The following FAM184A variants were observed in gnomAD, a reference collection of about 807,000 sequenced individuals.
FAM184A encodes the protein family with sequence similarity 184 member A, also known as protein FAM184A.
A neutral mutation model predicts 143.8 loss-of-function variants in FAM184A; 99 were observed. That is an observed-to-expected ratio of 0.69 (90% confidence interval 0.58 to 0.81). FAM184A has a LOEUF of 0.81. FAM184A is among the 40% of genes least tolerant of loss of function. The pLI is 0.00. For missense variants in FAM184A, 1,217 were observed against 1,310.5 expected (o/e 0.93, Z 1.10); for synonymous variants, 427 against 446.4 (o/e 0.96, Z 0.55).
intron 1 of FAM184A, among the ~76,000 whole-genome samples, chr6:119,092,002 G>T (rs989720076): frequency 6.6e-6 from 1 of 152,130 alleles, no homozygotes; most frequent in African/African-American, 2.4e-5. Context: ...CTACCCAAGG[G>T]GTAGCCTCTT....
chr6:119,129,850 G>GC (rs1789487217), intron 1 of FAM184A, among the ~76,000 whole-genome samples: 1 of 152,096 alleles, frequency 6.6e-6, no homozygotes, highest in Non-Finnish European at 1.5e-5. Context: ...TCCAGCCCTT[G>GC]CCCCCAATCC....
chr6:119,049,427 G>A (rs538198282), intron 1 of FAM184A, among the ~76,000 whole-genome samples: 2 of 152,258 alleles, frequency 1.3e-5, no homozygotes, highest in South Asian at 2.1e-4. Flanking sequence ...CAGCCTGGGG[G>A]ATAAGAGCGA....
intron 1 of FAM184A, among the ~76,000 whole-genome samples, chr6:119,136,271 C>A (rs1249161561): frequency 1.0e-3 from 118 of 112,582 alleles, no homozygotes; most frequent in African/African-American, 4.1e-3. Flanking sequence ...GGCGACAGAG[C>A]GAGACTCCGT....
At chr6:119,110,051 G>T (rs1010034486) in intron 1 of FAM184A, among the ~76,000 whole-genome samples, 1 of 152,112 alleles carries the variant, frequency 6.6e-6, no homozygotes, top group Non-Finnish European at 1.5e-5. Context: ...CCTAACATAA[G>T]TCTAAGTATC....
At chr6:119,128,842 G>A (rs1789447837) in intron 1 of FAM184A, among the ~76,000 whole-genome samples, 1 of 151,934 alleles carries the variant, frequency 6.6e-6, no homozygotes. Flanking sequence ...GATGGGGGAG[G>A]GGCCCTGGAA....
rs1785276645 is a variant in FAM184A, at chr6:119,016,928, T to C, written c.1349A>G (p.Lys450Arg). 2 of 1,605,434 alleles carry C rather than the reference T, an allele frequency of 1.2e-6. No homozygotes were observed. The highest frequency in any genetic ancestry group is 4.5e-5 in the East Asian group (2 of 44,852). ...LELEKKVNEA[K>R]RTQQEYYERE... Reference sequence around the variant, plus strand: ...TTCATAATATTCTTGCTGAGTTCTCTTTGCTTCATTTACTTTCTAAAATTA... The same window carrying C: ...TTCATAATATTCTTGCTGAGTTCTCCTTGCTTCATTTACTTTCTAAAATTA... Residue 450 changes from lysine (K) to arginine (R), a missense_variant, in exon 5 of 18, where the codon AAG (lysine) becomes AGG (arginine). Physicochemically the swap from Lys to Arg is conservative, Grantham distance 26 (BLOSUM62 2). Transcript: ENST00000338891.
chr6:118,970,005 TATA>T (rs1471299816), intron 14 of FAM184A, among the ~76,000 whole-genome samples: 3 of 35,536 alleles, frequency 8.4e-5, no homozygotes, highest in Non-Finnish European at 1.1e-4. Flanking sequence ...TATATATATA[TATA>T]TTTTTTTTTT....
At chr6:119,146,359 A>G (rs1476053483) in intron 1 of FAM184A, among the ~76,000 whole-genome samples, 1 of 151,644 alleles carries the variant, frequency 6.6e-6, no homozygotes, top group Admixed American at 6.6e-5. Flanking sequence ...GAAAAATTAT[A>G]TACCATCTGC....
At chr6:119,098,018 T>G (rs1278453722) in intron 1 of FAM184A, among the ~76,000 whole-genome samples, 1 of 152,094 alleles carries the variant, frequency 6.6e-6, no homozygotes, top group Non-Finnish European at 1.5e-5. Context: ...GAGGGTGATA[T>G]GGTTTGGCTG....
At chr6:119,118,920 A>G (rs936523774) in intron 1 of FAM184A, among the ~76,000 whole-genome samples, 7 of 152,204 alleles carry the variant, frequency 4.6e-5, no homozygotes, top group African/African-American at 7.2e-5. Flanking sequence ...TTTCAAAAGC[A>G]AATGGGAGAA....
rs773408193 is a variant in FAM184A at position 119,023,046 on chromosome 6, C to T, written c.1049G>A (p.Gly350Glu). The T allele has an allele frequency of 6.8e-6, 11 of 1,613,956 alleles. No individual in the cohort carries two copies. The highest frequency in any genetic ancestry group is 9.3e-6 in the Non-Finnish European group (11 of 1,180,004). Reference sequence around the variant, plus strand: ...GTGCTTGCTTAATAGGGCCATTTCTCCCTCCTTGGCATCATCAAGCTGTTT... The same window carrying T: ...GTGCTTGCTTAATAGGGCCATTTCTTCCTCCTTGGCATCATCAAGCTGTTT... Reference protein sequence around the residue: ...LQKQLDDAKEGEMALLSKHKE... With the variant: ...LQKQLDDAKEEEMALLSKHKE... The change falls in exon 3 of 18, where the codon GGA (glycine) becomes GAA (glutamate). Residue 350 changes from glycine (G) to glutamate (E), a missense_variant. Physicochemically the swap from Gly to Glu is moderately conservative, Grantham distance 98. Transcript: ENST00000338891.
At chr6:119,110,324 A>G (rs954527404) in intron 1 of FAM184A, among the ~76,000 whole-genome samples, 3 of 152,178 alleles carry the variant, frequency 2.0e-5, no homozygotes, top group African/African-American at 7.2e-5. Context: ...CAAAACAACA[A>G]TCGAAACACA....
Position 119,044,604 on chromosome 6 carries a change from AG to A in FAM184A, c.160-19792del, listed in dbSNP as rs1362647335. On this transcript the variant is annotated intron_variant, in intron 1 of 17. Coordinates refer to ENST00000338891, the MANE Select transcript of FAM184A (RefSeq NM_024581.6). Reference sequence around the variant, plus strand: ...TCTCTCTTTAATTAAAAAAAAAAAAAGATCAACACACATCAATTATAAACTA... The same window carrying A: ...TCTCTCTTTAATTAAAAAAAAAAAAAATCAACACACATCAATTATAAACTA... 4.6e-5 allele frequency among the ~76,000 whole-genome samples: 7 copies of A among 151,764 alleles called. No individual in the cohort carries two copies. The East Asian group carries it at 1.4e-3, about 30-fold the overall frequency.
At chr6:118,960,966 T>G (rs903726003) in intron 17 of FAM184A, 10 of 467,738 alleles carry the variant, frequency 2.1e-5, no homozygotes, top group Non-Finnish European at 3.5e-5. Context: ...CTATTTTTTT[T>G]GTTAATCATT....
At chr6:119,005,142 C>T (rs1228249355) in intron 7 of FAM184A, 3 of 151,940 alleles carry the variant, frequency 2.0e-5, no homozygotes, top group Non-Finnish European at 4.4e-5. Flanking sequence ...ATGCTACCAT[C>T]GAGATTATAG....
chr6:118,982,917 T>C (rs960767115), intron 9 of FAM184A, among the ~76,000 whole-genome samples: 2 of 152,234 alleles, frequency 1.3e-5, no homozygotes, highest in Admixed American at 6.5e-5. Flanking sequence ...TAATATACTT[T>C]ACCTTGAAAG....
In FAM184A at chr6:118,961,864, G is replaced by C. The variant is rs368976311; in HGVS notation, c.3238C>G (p.Arg1080Gly). The change falls in exon 17 of 18, where the codon CGC becomes GGC. Residue 1080 changes from arginine to glycine, a missense_variant. Coordinates refer to ENST00000338891, the MANE Select transcript of FAM184A (RefSeq NM_024581.6). ...SGGVGNGHPN[R>G]LDPIPNSPVH... ...GGAGAATTAGGAATGGGATCCAGGC[G>C]GTTAGGATGTCCATTGCCCACTCCA... 20 of 1,613,716 alleles carry C rather than the reference G, an allele frequency of 1.2e-5. No homozygotes were observed. Among genetic ancestry groups the C allele is most frequent in the Non-Finnish European group, 1.6e-5 (19 of 1,179,868 alleles).
At chr6:119,050,255 G>C (rs1786698400) in intron 1 of FAM184A, among the ~76,000 whole-genome samples, 1 of 152,122 alleles carries the variant, frequency 6.6e-6, no homozygotes, top group Non-Finnish European at 1.5e-5. Flanking sequence ...CAACCATTGT[G>C]GAAAGCAGTG....
At chr6:119,066,133 G>A (rs1175144798) in intron 1 of FAM184A, among the ~76,000 whole-genome samples, 4 of 152,180 alleles carry the variant, frequency 2.6e-5, no homozygotes, top group Non-Finnish European at 5.9e-5. Context: ...TGAGTGATCA[G>A]ACAAAATTGG....
Sources: allele counts gnomAD v4.1 joint callset (sites outside exome capture counted in the v4.1 genomes callset), GRCh38; gene constraint gnomAD v4.1.1; transcripts MANE v1.5; gene names NCBI Gene and HGNC (gene_info 2026-07-23, HGNC 2026-07-21).